FOXP2: variants seen among roughly 807,000 people sequenced by gnomAD.
FOXP2 encodes forkhead box protein P2.
FOXP2 carries 12 observed loss-of-function variants against 115.8 expected under a neutral mutation model. The observed-to-expected ratio is 0.10, with a 90% CI of 0.07 to 0.17. The LOEUF (loss-of-function observed/expected upper bound fraction) is 0.17, where lower values mean the gene tolerates loss of function less well. Ranked by LOEUF, FOXP2 falls within the 10% of genes least tolerant of loss-of-function variation. FOXP2 has a pLI of 1.00. For missense variants in FOXP2, 629 were observed against 843.5 expected, an observed-to-expected ratio of 0.75 and a Z score of 3.15; for synonymous variants, 328 against 297.7, an observed-to-expected ratio of 1.10 and a Z score of -1.05.
At chr7:114,164,305 T>C (rs1792916352) in intron 1 of FOXP2, among the ~76,000 whole-genome samples, 1 of 152,084 alleles carries the variant, frequency 6.6e-6, no homozygotes, top group Admixed American at 6.6e-5. Context: ...TTTTGTTTGT[T>C]TTTTTCGTTT....
chr7:114,137,068 A>G (rs543225198), intron 1 of FOXP2, among the ~76,000 whole-genome samples: 1 of 152,176 alleles, frequency 6.6e-6, no homozygotes, highest in South Asian at 2.1e-4. Context: ...ATCAAAATAT[A>G]TCATGGTTTA....
intron 2 of FOXP2, among the ~76,000 whole-genome samples, chr7:114,368,537 C>G (rs1791932272): frequency 6.6e-6 from 1 of 152,046 alleles, no homozygotes; most frequent in Non-Finnish European, 1.5e-5. Flanking sequence ...TGGGTGTTAT[C>G]CTGAAGAAGG....
chr7:114,253,864 C>G (rs147375386), intron 1 of FOXP2, among the ~76,000 whole-genome samples: 2,410 of 152,210 alleles, frequency 0.016, 31 homozygotes, highest in African/African-American at 0.029. Context: ...TTGCTCGTTA[C>G]TTGATGCAGT....
chr7:114,376,745 T>C (rs183309478), intron 2 of FOXP2, among the ~76,000 whole-genome samples: 48 of 152,192 alleles, frequency 3.2e-4, no homozygotes, highest in African/African-American at 1.1e-3. Flanking sequence ...ACCATGAAAA[T>C]GGAGTTAGAG....
chr7:114,259,150 A>G (rs1212122465), intron 1 of FOXP2, among the ~76,000 whole-genome samples: 1 of 152,204 alleles, frequency 6.6e-6, no homozygotes, highest in Admixed American at 6.5e-5. Flanking sequence ...GACCATTTCA[A>G]CCGATGAACA....
intron 3 of FOXP2, among the ~76,000 whole-genome samples, chr7:114,573,211 A>T (rs1377149104): frequency 6.6e-6 from 1 of 151,838 alleles, no homozygotes; most frequent in Non-Finnish European, 1.5e-5. Flanking sequence ...CACAAGGGAA[A>T]TCTTATTTAA....
rs1402702952 is a variant in FOXP2 at position 114,640,784 on chromosome 7, T to C, written c.776-1626T>C. Among the ~76,000 whole-genome samples, 3 of 152,316 alleles carry C rather than the reference T, an allele frequency of 2.0e-5. No homozygotes were observed. In the East Asian group the frequency reaches 5.8e-4, roughly 29 times the overall value. Reference sequence around the variant, plus strand: ...ACTTTCATCTTTATATTAGATGTTATAGATGCACATAGTAATTAAGAACAT... The same window carrying C: ...ACTTTCATCTTTATATTAGATGTTACAGATGCACATAGTAATTAAGAACAT... On this transcript the variant is annotated intron_variant, in intron 6 of 16. Transcript: ENST00000350908.
At chr7:114,579,488 G>A (rs140557953) in intron 3 of FOXP2, among the ~76,000 whole-genome samples, 9 of 151,860 alleles carry the variant, frequency 5.9e-5, no homozygotes, top group Admixed American at 3.3e-4. Flanking sequence ...TGTGACTGTC[G>A]CCCACCCCAA....
At chr7:114,349,755 AAAT>A (rs1791435966) in intron 2 of FOXP2, among the ~76,000 whole-genome samples, 1 of 152,090 alleles carries the variant, frequency 6.6e-6, no homozygotes. Context: ...AAAATAGAAG[AAAT>A]AATAATTTAT....
At chr7:114,397,178 ATACTT>A (rs1451616936) in intron 2 of FOXP2, among the ~76,000 whole-genome samples, 1 of 152,196 alleles carries the variant, frequency 6.6e-6, no homozygotes, top group African/African-American at 2.4e-5. Context: ...TTTATGTAAA[ATACTT>A]TAAAATTTAA....
At chr7:114,534,802 T>C (rs536139000) in intron 3 of FOXP2, 96 bp downstream of exon 3, 6 of 922,710 alleles carry the variant, frequency 6.5e-6, no homozygotes, top group Non-Finnish European at 1.1e-5. Context: ...CAGGAAATTA[T>C]TACATTTGCA....
rs766446822 is a variant in FOXP2 at position 114,690,131 on chromosome 7, T to TCTTC, written c.*205_*206insCTTC. On this transcript the variant is annotated 3_prime_UTR_variant, in exon 17 of 17. Coordinates refer to ENST00000350908, the MANE Select transcript of FOXP2 (RefSeq NM_014491.4). ...CTTGTTTTCTTCTTCTTCTTCTTCT[T>TCTTC]TTTTTTTTTTTTTTTAGAAAAAAAG... The TCTTC allele has an allele frequency of 2.2e-5, 3 of 134,092 alleles. No individual in the cohort carries two copies. Among genetic ancestry groups the TCTTC allele is most frequent in the Admixed American group, 9.8e-5 (1 of 10,254 alleles). The allele number at this position is 134,092 out of a possible 1,614,324, so 8.3% of individuals were successfully genotyped here. A position where few individuals can be genotyped will look rare whatever the true frequency, so the allele number is the denominator to read the frequency against.
chr7:114,550,157 G>A (rs1275346967), intron 3 of FOXP2, among the ~76,000 whole-genome samples: 25 of 129,226 alleles, frequency 1.9e-4, no homozygotes, highest in Non-Finnish European at 3.1e-4. Context: ...TCGCTCTGTC[G>A]CCCAGGCTGG....
chr7:114,277,215 G>A (rs1314992070), intron 1 of FOXP2, among the ~76,000 whole-genome samples: 1 of 152,126 alleles, frequency 6.6e-6, no homozygotes, highest in Non-Finnish European at 1.5e-5. Context: ...AAATGAATAT[G>A]TTTGCAAATT....
chr7:114,368,793 G>C (rs1791939731), intron 2 of FOXP2, among the ~76,000 whole-genome samples: 1 of 152,156 alleles, frequency 6.6e-6, no homozygotes, highest in Non-Finnish European at 1.5e-5. Context: ...TTGCTGACTA[G>C]ACCACTTTGA....
chr7:114,251,024 G>C (rs1217591139), intron 1 of FOXP2, among the ~76,000 whole-genome samples: 1 of 152,154 alleles, frequency 6.6e-6, no homozygotes, highest in Non-Finnish European at 1.5e-5. Flanking sequence ...TGGCTAGCCA[G>C]TTTTCCCAGC....
intron 1 of FOXP2, among the ~76,000 whole-genome samples, chr7:114,256,413 G>T (rs1024666024): frequency 6.6e-6 from 1 of 152,018 alleles, no homozygotes; most frequent in Non-Finnish European, 1.5e-5. Context: ...AGCCAAGATG[G>T]TATATTTTGT....
At chr7:114,508,314 T>C (rs1268241406) in intron 2 of FOXP2, among the ~76,000 whole-genome samples, 3 of 151,944 alleles carry the variant, frequency 2.0e-5, no homozygotes, top group East Asian at 1.9e-4. Context: ...GGCAGAGGGA[T>C]CATCCAGTCC....
chr7:114,679,355 C>T (rs1220532898), intron 16 of FOXP2, among the ~76,000 whole-genome samples: 1 of 152,150 alleles, frequency 6.6e-6, no homozygotes, highest in African/African-American at 2.4e-5. Flanking sequence ...CTAATCCTAC[C>T]ACCTTAGTGG....
Sources: gnomAD v4.1 joint callset for allele counts (sites outside exome capture counted in the v4.1 genomes callset) on GRCh38, gnomAD v4.1.1 for gene constraint, MANE v1.5 for transcripts, NCBI Gene and HGNC (gene_info 2026-07-23, HGNC 2026-07-21) for gene names.